The following ANKRD12 variants were observed in gnomAD, a reference collection of about 807,000 sequenced individuals.
ANKRD12 encodes the protein ankyrin repeat domain-containing protein 12.
Under a neutral mutation model 183.4 loss-of-function variants are expected in ANKRD12, and 85 were observed. The observed-to-expected ratio is 0.46, with a 90% CI of 0.39 to 0.56. The LOEUF (loss-of-function observed/expected upper bound fraction) is 0.56. ANKRD12 is among the 20% of genes least tolerant of loss of function. ANKRD12 has a pLI of 0.00. For missense variants in ANKRD12, 2,405 were observed against 2,357.1 expected (o/e 1.02, Z -0.42); for synonymous variants, 914 against 800.2 (o/e 1.14, Z -2.40).
intron 1 of ANKRD12, among the ~76,000 whole-genome samples, chr18:9,158,859 A>T (rs1004678016): frequency 3.3e-5 from 5 of 152,244 alleles, no homozygotes; most frequent in Admixed American, 1.3e-4. Flanking sequence ...GACTTACTCA[A>T]TGTCTCTCAT....
chr18:9,143,357 A>G (rs2078385200), intron 1 of ANKRD12, among the ~76,000 whole-genome samples: 1 of 152,202 alleles, frequency 6.6e-6, no homozygotes, highest in Admixed American at 6.5e-5. Flanking sequence ...TCACTAATAT[A>G]TTTATAGTTG....
chr18:9,284,869 T>C lies in ANKRD12; in HGVS notation c.*3743T>C, dbSNP rs950658060. 3 of 152,178 alleles carry C rather than the reference T, an allele frequency of 2.0e-5. No individual in the cohort carries two copies. The highest frequency in any genetic ancestry group is 7.2e-5 in the African/African-American group (3 of 41,446). 9.4% of individuals were successfully genotyped at this position (152,178 alleles called of 1,614,324 possible). Reference sequence around the variant, plus strand: ...CAGTGGTTAAATGCTATATAATAACTGCAAATAAAAGTTTTTTTGTACATG... The same window carrying C: ...CAGTGGTTAAATGCTATATAATAACCGCAAATAAAAGTTTTTTTGTACATG... On this transcript the variant is annotated 3_prime_UTR_variant, in exon 13 of 13. Coordinates refer to ENST00000262126, the MANE Select transcript of ANKRD12 (RefSeq NM_015208.5).
Position 9,256,909 on chromosome 18 carries a change from T to C in ANKRD12, c.3642T>C (p.Asp1214=). ...TGATTTCTGTTGCTAGTTCAGAAGA[T>C]TCCTGCCATACTACAGTGACAACCC... ...VSMISVASSE[D]SCHTTVTTPR... The change falls in exon 9 of 13, where the codon GAT becomes GAC. Residue 1214 remains aspartate, a synonymous_variant. Coordinates refer to ENST00000262126, the MANE Select transcript of ANKRD12 (RefSeq NM_015208.5). The C allele has an allele frequency of 6.2e-7, 1 of 1,614,008 alleles. No individual in the cohort carries two copies.
intron 12 of ANKRD12, among the ~76,000 whole-genome samples, chr18:9,279,961 C>G (rs1413897367): frequency 6.6e-6 from 1 of 152,168 alleles, no homozygotes; most frequent in African/African-American, 2.4e-5. Context: ...ATATAGTTTT[C>G]AAATCTATAA....
chr18:9,224,827 G>A (rs111671562), intron 8 of ANKRD12, among the ~76,000 whole-genome samples: 4,366 of 152,250 alleles, frequency 0.029, 74 homozygotes, highest in East Asian at 0.039. Context: ...TATGTATCTT[G>A]TGTAGCCATT....
chr18:9,204,976 A>T (rs76467703), intron 4 of ANKRD12, among the ~76,000 whole-genome samples: 1,556 of 152,306 alleles, frequency 0.01, 21 homozygotes, highest in African/African-American at 0.036. Flanking sequence ...GATGTTTTTT[A>T]AAAAACACAT....
At chr18:9,208,593 C>A in intron 4 of ANKRD12, 64 bp from the exon 5 acceptor site, 1 of 1,459,326 alleles carries the variant, frequency 6.9e-7, no homozygotes, top group African/African-American at 1.4e-5. Flanking sequence ...AAAAATTCAT[C>A]TTAAACTTGC....
Position 9,256,187 on chromosome 18 carries a change from A to G in ANKRD12, c.2920A>G (p.Asn974Asp). ...AGATAAAGAAAGTATAAATATAACTAACTCCAAACACATACAGGAAGAAAA... is the reference window on the plus strand; with the variant it reads ...AGATAAAGAAAGTATAAATATAACTGACTCCAAACACATACAGGAAGAAAA... Reference protein sequence around the residue: ...SRDKESINITNSKHIQEEKKS... With the variant: ...SRDKESINITDSKHIQEEKKS... The change falls in exon 9 of 13, where the codon AAC (asparagine) becomes GAC (aspartate). Residue 974 changes from asparagine (N) to aspartate (D), a missense_variant. Transcript: ENST00000262126. The G allele has an allele frequency of 6.4e-7, 1 of 1,564,756 alleles. No individual in the cohort carries two copies. Among genetic ancestry groups the G allele is most frequent in the Non-Finnish European group, 8.6e-7 (1 of 1,164,734 alleles).
At chr18:9,253,084 T>C (rs1188523174) in intron 8 of ANKRD12, among the ~76,000 whole-genome samples, 2 of 152,316 alleles carry the variant, frequency 1.3e-5, no homozygotes, top group African/African-American at 4.8e-5. Context: ...TTAACAATTA[T>C]GGATACATAA....
intron 12 of ANKRD12, 46 bp downstream of exon 12, chr18:9,279,690 T>TAAAAA: frequency 1.2e-6 from 1 of 824,056 alleles, no homozygotes; most frequent in Non-Finnish European, 1.8e-6. Context: ...TCCCCCTTCT[T>TAAAAA]AAAAAAAAAA....
Sources: gnomAD v4.1 joint callset for allele counts (sites outside exome capture counted in the v4.1 genomes callset) on GRCh38, gnomAD v4.1.1 for gene constraint, MANE v1.5 for transcripts, NCBI Gene and HGNC (gene_info 2026-07-23, HGNC 2026-07-21) for gene names.